IFT140: variants seen among roughly 807,000 people sequenced by gnomAD.
IFT140 encodes the protein intraflagellar transport 140.
Under a neutral mutation model 164.6 loss-of-function variants are expected in IFT140, and 133 were observed. That is an observed-to-expected ratio of 0.81 (90% CI 0.70 to 0.93). IFT140 has a LOEUF of 0.93. IFT140 is among the 40% of genes least tolerant of loss of function. IFT140 has a pLI of 0.00. For synonymous variants in IFT140, 860 were observed against 817.3 expected (o/e 1.05, Z -0.89); for missense variants, 2,045 against 1,972.3 (o/e 1.04, Z -0.70).
intron 19 of IFT140, chr16:1,541,894 C>T (rs1413729823): frequency 1.3e-6 from 2 of 1,565,758 alleles, no homozygotes; most frequent in Non-Finnish European, 8.7e-7. Context: ...CTGCACTCAC[C>T]ACTGCCTCTC....
intron 19 of IFT140, among the ~76,000 whole-genome samples, chr16:1,549,313 T>C (rs1393956982): frequency 1.3e-5 from 2 of 152,278 alleles, no homozygotes; most frequent in Admixed American, 6.5e-5. Flanking sequence ...AATTTTCCCA[T>C]CTGCTTCTGT....
At position 1,556,626 on chromosome 16, in the gene IFT140, GGACT is replaced by G. The variant is rs1420525373; in HGVS notation, c.2399+1305_2399+1308del. On this transcript the variant is annotated intron_variant, in intron 19 of 30. Transcript: ENST00000426508. ...CTGCTAAAGACTGGAAAGCATTTACGGACTGACTGTCTATGACACACTCAGCACA... is the reference window on the plus strand; with the variant it reads ...CTGCTAAAGACTGGAAAGCATTTACGGACTGTCTATGACACACTCAGCACA... Among the ~76,000 whole-genome samples, 9 of 152,298 alleles carry G rather than the reference GGACT, an allele frequency of 5.9e-5. No homozygotes were observed. The East Asian group carries it at 1.2e-3, about 20-fold the overall frequency.
intron 23 of IFT140, 41 bp from the exon 24 acceptor site, chr16:1,524,736 T>A: frequency 6.3e-7 from 1 of 1,583,794 alleles, no homozygotes; most frequent in Non-Finnish European, 8.6e-7. Flanking sequence ...ACGGTGGCCT[T>A]GTGTCTGCCT....
At chr16:1,596,476 G>A (rs1382904442) in intron 4 of IFT140, among the ~76,000 whole-genome samples, 4 of 152,218 alleles carry the variant, frequency 2.6e-5, no homozygotes. Context: ...CACCTGGAAT[G>A]TCCAAGTTTC....
At chr16:1,578,748 G>A (rs931232311) in intron 13 of IFT140, among the ~76,000 whole-genome samples, 3 of 152,204 alleles carry the variant, frequency 2.0e-5, no homozygotes, top group Admixed American at 6.5e-5. Context: ...GCTGGGCTCC[G>A]TTGCCCAGGC....
chr16:1,530,232 G>A (rs1297826915), intron 19 of IFT140, among the ~76,000 whole-genome samples: 2 of 143,014 alleles, frequency 1.4e-5, no homozygotes, highest in South Asian at 2.3e-4. Flanking sequence ...TCTGCCTCCC[G>A]AGTGATTCTC....
At chr16:1,568,785 G>T (rs1164591978) in intron 14 of IFT140, among the ~76,000 whole-genome samples, 1 of 152,002 alleles carries the variant, frequency 6.6e-6, no homozygotes, top group Admixed American at 6.6e-5. Flanking sequence ...ACAAAACAAC[G>T]CTGCTGTACG....
chr16:1,592,555 T>G lies in IFT140; in HGVS notation c.403A>C (p.Arg135=). 2 of 1,614,196 alleles carry G rather than the reference T, an allele frequency of 1.2e-6. No homozygotes were observed. Among genetic ancestry groups the G allele is most frequent in the African/African-American group, 1.3e-5 (1 of 75,066 alleles). The change falls in exon 5 of 31, where the codon AGG becomes CGG. Residue 135 remains arginine, a synonymous_variant. Transcript: ENST00000426508. The part of the protein sequence containing the change: ...GVLLLWRLDQ[R]GRVQGTPLLK... ...AGAGGCGTCCCTTGCACTCGGCCCCTTTGGTCCAACCTCCACAAGAGCAAG... is the reference window on the plus strand; with the variant it reads ...AGAGGCGTCCCTTGCACTCGGCCCCGTTGGTCCAACCTCCACAAGAGCAAG...
intron 11 of IFT140, among the ~76,000 whole-genome samples, chr16:1,583,612 TC>T: frequency 6.6e-6 from 1 of 151,648 alleles, no homozygotes; most frequent in East Asian, 1.9e-4. Context: ...TTTTTTTTTT[TC>T]TTTTTTTTTT....
In IFT140 at chr16:1,551,279, G is replaced by A. The variant is rs905259205; in HGVS notation, c.2399+6656C>T. ...CCATGGGTAAAGACACAATGACCACGGCTGGCAGGGGTGGGCAGGTGCAAC... is the reference window on the plus strand; with the variant it reads ...CCATGGGTAAAGACACAATGACCACAGCTGGCAGGGGTGGGCAGGTGCAAC... On this transcript the variant is annotated intron_variant, in intron 19 of 30. Transcript: ENST00000426508. This position sits in a 1 kb window ranked among gnomAD's most constrained non-coding sequence, Gnocchi z 4.0. Among the ~76,000 whole-genome samples the A allele has an allele frequency of 1.3e-5, 2 of 152,162 alleles. No homozygotes were observed. The highest frequency in any genetic ancestry group is 4.8e-5 in the African/African-American group (2 of 41,422).
At chr16:1,542,851 C>G (rs541566899) in intron 19 of IFT140, among the ~76,000 whole-genome samples, 1 of 152,334 alleles carries the variant, frequency 6.6e-6, no homozygotes, top group East Asian at 1.9e-4. Context: ...CCTCTCAACG[C>G]TCTAGACCCA....
At chr16:1,604,901 G>A (rs1231898901) in intron 3 of IFT140, among the ~76,000 whole-genome samples, 1 of 151,978 alleles carries the variant, frequency 6.6e-6, no homozygotes, top group Non-Finnish European at 1.5e-5. Context: ...TGAGATGGGA[G>A]GTGCCCATCT....
At chr16:1,534,524 C>T (rs184155439) in intron 19 of IFT140, 46 of 1,606,428 alleles carry the variant, frequency 2.9e-5, no homozygotes, top group African/African-American at 2.1e-4. Flanking sequence ...CCGAGGCAGC[C>T]GGCTTCCAGG....
chr16:1,562,677 C>T (rs2033482495), intron 17 of IFT140, among the ~76,000 whole-genome samples: 1 of 152,112 alleles, frequency 6.6e-6, no homozygotes, highest in Non-Finnish European at 1.5e-5. Context: ...TAGTCTGAGG[C>T]AGGAGGATCG....
chr16:1,534,305 C>A, intron 19 of IFT140: 1 of 1,612,546 alleles, frequency 6.2e-7, no homozygotes, highest in Non-Finnish European at 8.5e-7. Context: ...TGGCCGCGGC[C>A]GTGCTGGTGG....
intron 2 of IFT140, among the ~76,000 whole-genome samples, chr16:1,609,592 G>A (rs2036239180): frequency 1.3e-5 from 2 of 152,176 alleles, no homozygotes; most frequent in Admixed American, 6.5e-5. Context: ...GGCCCTGCGC[G>A]GATGAAACTT....
chr16:1,579,981 G>A (rs1478652328), intron 13 of IFT140, among the ~76,000 whole-genome samples: 6 of 141,658 alleles, frequency 4.2e-5, no homozygotes, highest in Non-Finnish European at 9.3e-5. Context: ...AAAAAAAAAA[G>A]AGAACCTCTT....
Position 1,566,222 on chromosome 16 carries a change from A to C in IFT140, c.1840T>G (p.Phe614Val). ...CTCCGATCAATTTGTCCAGTCTTGA[A>C]GTCAAAGACGGTCACTGTGTCCATT... ...VEMDTVTVFD[F>V]KTGQIDRRET... Residue 614 changes from phenylalanine (F) to valine (V), a missense_variant, in exon 16 of 31, where the codon TTC becomes GTC. Transcript: ENST00000426508. 1 of 1,613,942 alleles carries C rather than the reference A, an allele frequency of 6.2e-7. No individual in the cohort carries two copies. Among genetic ancestry groups the C allele is most frequent in the Non-Finnish European group, 8.5e-7 (1 of 1,179,800 alleles).
rs2141383244 is a variant in IFT140, at chr16:1,551,346, T to A, written c.2399+6589A>T. On this transcript the variant is annotated intron_variant, in intron 19 of 30. Transcript: ENST00000426508. This position sits in a 1 kb window ranked among gnomAD's most constrained non-coding sequence, Gnocchi z 4.0. The stretch of plus-strand genomic sequence containing the variant: ...AAGGATCAGCAGCAGGAGGGGCCCC[T>A]CCTCCCCAGGGCCAGTCAAGCCGGG... 6.6e-6 allele frequency among the ~76,000 whole-genome samples: 1 copy of A among 151,508 alleles called. No individual in the cohort carries two copies. The highest frequency in any genetic ancestry group is 2.0e-4 in the East Asian group (1 of 5,118).
Sources: allele counts gnomAD v4.1 joint callset (sites outside exome capture counted in the v4.1 genomes callset), GRCh38; gene constraint gnomAD v4.1.1; non-coding constraint Gnocchi (gnomAD v3.1); transcripts MANE v1.5; gene names NCBI Gene and HGNC (gene_info 2026-07-23, HGNC 2026-07-21).